ATXN7L1: variants seen among roughly 807,000 people sequenced by gnomAD.
ATXN7L1 encodes the protein ataxin 7 like 1.
In ATXN7L1, 15 loss-of-function variants were observed where a neutral mutation model predicts 70.8. The observed-to-expected ratio is 0.21, with a 90% CI of 0.14 to 0.33. ATXN7L1 has a LOEUF of 0.33. ATXN7L1 is among the 10% of genes least tolerant of loss of function. The pLI is 1.00. For missense variants in ATXN7L1, 975 were observed against 1,097.1 expected (o/e 0.89, Z 1.57); for synonymous variants, 440 against 445.1 (o/e 0.99, Z 0.14).
At chr7:105,654,124 G>C (rs1056085881) in intron 4 of ATXN7L1, among the ~76,000 whole-genome samples, 9 of 152,206 alleles carry the variant, frequency 5.9e-5, no homozygotes, top group African/African-American at 1.9e-4. Context: ...GGAAGGGCTC[G>C]ATAAATGTTT....
chr7:105,801,692 C>T (rs1056344462), intron 2 of ATXN7L1, among the ~76,000 whole-genome samples: 2 of 152,100 alleles, frequency 1.3e-5, no homozygotes, highest in Non-Finnish European at 2.9e-5. Flanking sequence ...TGGATATATG[C>T]GTTGGAGGCC....
At chr7:105,664,700 G>A (rs1344180115) in intron 4 of ATXN7L1, among the ~76,000 whole-genome samples, 1 of 151,406 alleles carries the variant, frequency 6.6e-6, no homozygotes, top group Non-Finnish European at 1.5e-5. Context: ...CTGAGTAGCT[G>A]GGATTACAGG....
At chr7:105,619,524 ATATATATTTTTTTTTTTTTTTTTTTTTT>A (rs1562901176) in intron 9 of ATXN7L1, among the ~76,000 whole-genome samples, 3 of 21,574 alleles carry the variant, frequency 1.4e-4, no homozygotes, top group Middle Eastern at 0.028. Flanking sequence ...ATATATATAT[ATATATATTTTTTTTTTTTTTTTTTTTTT>A]TTTTTTTTTT....
rs184443006 is a variant in ATXN7L1, at chr7:105,699,018, A to C, written c.356-33730T>G. Among the ~76,000 whole-genome samples the C allele has an allele frequency of 5.7e-3, 862 of 152,332 alleles. 4 individuals are homozygous for C. Among genetic ancestry groups the C allele is most frequent in the Non-Finnish European group, 8.9e-3 (604 of 68,032 alleles). ...GTTTCTAAAAAGTTGTTTGTGGTTCAAGTTAGGGAGAAGGCAGAAAGCCTT... is the reference window on the plus strand; with the variant it reads ...GTTTCTAAAAAGTTGTTTGTGGTTCCAGTTAGGGAGAAGGCAGAAAGCCTT... On this transcript the variant is annotated intron_variant, in intron 3 of 11. Coordinates refer to ENST00000419735, the MANE Select transcript of ATXN7L1 (RefSeq NM_020725.2).
At chr7:105,712,782 C>G (rs1318978192) in intron 3 of ATXN7L1, among the ~76,000 whole-genome samples, 1 of 152,210 alleles carries the variant, frequency 6.6e-6, no homozygotes, top group Non-Finnish European at 1.5e-5. Flanking sequence ...TCCAGACTGT[C>G]CCACATCTTC....
chr7:105,648,603 C>T (rs1464871256), intron 4 of ATXN7L1, among the ~76,000 whole-genome samples: 4 of 152,198 alleles, frequency 2.6e-5, no homozygotes, highest in African/African-American at 2.4e-5. Flanking sequence ...AGCCCCACCC[C>T]CCACCTCCCA....
chr7:105,853,318 G>T (rs772375350), intron 2 of ATXN7L1, among the ~76,000 whole-genome samples: 2 of 152,226 alleles, frequency 1.3e-5, no homozygotes, highest in African/African-American at 4.8e-5. Flanking sequence ...GGAGGCCGAG[G>T]CGTGTAGATC....
chr7:105,666,487 G>C (rs771713117), intron 3 of ATXN7L1, among the ~76,000 whole-genome samples: 7 of 152,190 alleles, frequency 4.6e-5, no homozygotes, highest in Non-Finnish European at 1.0e-4. Context: ...GCTTTTGCAG[G>C]CACCCTGACC....
chr7:105,796,233 C>T (rs4730107), intron 2 of ATXN7L1, among the ~76,000 whole-genome samples: 73,892 of 152,046 alleles, frequency 0.49, 18,849 homozygotes, highest in East Asian at 0.75. Context: ...CGTGGTCGTG[C>T]GCACCTGTAG....
intron 2 of ATXN7L1, among the ~76,000 whole-genome samples, chr7:105,809,598 TG>T (rs1475778965): frequency 7.2e-5 from 11 of 152,220 alleles, no homozygotes; most frequent in Admixed American, 7.2e-4. Context: ...GATACTGACA[TG>T]GTACTCACTG....
At chr7:105,659,259 C>T (rs1424544121) in intron 4 of ATXN7L1, among the ~76,000 whole-genome samples, 1 of 152,218 alleles carries the variant, frequency 6.6e-6, no homozygotes, top group East Asian at 1.9e-4. Flanking sequence ...CTAAACAATT[C>T]TAGACAAAAG....
At chr7:105,776,847 G>C (rs1269774101) in intron 3 of ATXN7L1, among the ~76,000 whole-genome samples, 2 of 152,084 alleles carry the variant, frequency 1.3e-5, no homozygotes, top group African/African-American at 4.8e-5. Flanking sequence ...TTGGCTCACT[G>C]TAATCTCTGC....
intron 3 of ATXN7L1, among the ~76,000 whole-genome samples, chr7:105,733,824 ACCCCTCCATCCG>A (rs1797019571): frequency 5.0e-5 from 4 of 79,664 alleles, no homozygotes; most frequent in Non-Finnish European, 7.7e-5. Context: ...CCATCCATCC[ACCCCTCCATCCG>A]TCCACCCATC....
Position 105,606,312 on chromosome 7 carries a change from G to A in ATXN7L1, c.*1540C>T, listed in dbSNP as rs998077263. 36 of 152,056 alleles carry A rather than the reference G, an allele frequency of 2.4e-4. No homozygotes were observed. The highest frequency in any genetic ancestry group is 7.7e-4 in the African/African-American group (32 of 41,398). 9.4% of individuals were successfully genotyped at this position (152,056 alleles called of 1,614,324 possible). On this transcript the variant is annotated 3_prime_UTR_variant, in exon 12 of 12. Coordinates refer to ENST00000419735, the MANE Select transcript of ATXN7L1 (RefSeq NM_020725.2). Reference sequence around the variant, plus strand: ...ATGAAAATCACTCCATTTGCCTCCCGTCTTTGCAATTCCAATTGTGTGGTG... The same window carrying A: ...ATGAAAATCACTCCATTTGCCTCCCATCTTTGCAATTCCAATTGTGTGGTG...
At chr7:105,726,743 G>A (rs1297672981) in intron 3 of ATXN7L1, among the ~76,000 whole-genome samples, 1 of 152,160 alleles carries the variant, frequency 6.6e-6, no homozygotes, top group Non-Finnish European at 1.5e-5. Context: ...TGAGAGACCA[G>A]GAAGGATTCT....
intron 7 of ATXN7L1, among the ~76,000 whole-genome samples, chr7:105,627,579 T>C (rs1721482): frequency 0.61 from 90,164 of 148,776 alleles, 28,849 homozygotes; most frequent in Non-Finnish European, 0.71. Context: ...TTGCCCAGGC[T>C]GGAGTGCAGT....
intron 2 of ATXN7L1, among the ~76,000 whole-genome samples, chr7:105,834,525 T>A (rs1812083974): frequency 6.6e-6 from 1 of 152,246 alleles, no homozygotes; most frequent in Non-Finnish European, 1.5e-5. Flanking sequence ...AATGTTTGCC[T>A]ACTCAGTTTA....
chr7:105,826,230 A>G (rs1204908249), intron 2 of ATXN7L1, among the ~76,000 whole-genome samples: 5 of 152,204 alleles, frequency 3.3e-5, no homozygotes, highest in Non-Finnish European at 5.9e-5. Flanking sequence ...GGGGGAAAAA[A>G]GCACATAAAA....
At chr7:105,866,596 A>C (rs1422546590) in intron 2 of ATXN7L1, among the ~76,000 whole-genome samples, 1 of 152,194 alleles carries the variant, frequency 6.6e-6, no homozygotes, top group Non-Finnish European at 1.5e-5. Context: ...TCAGGGTCCA[A>C]ATCCAGGTCC....
Sources: allele counts gnomAD v4.1 joint callset (sites outside exome capture counted in the v4.1 genomes callset), GRCh38; gene constraint gnomAD v4.1.1; transcripts MANE v1.5; gene names NCBI Gene and HGNC (gene_info 2026-07-23, HGNC 2026-07-21).